WDR72: variants seen among roughly 807,000 people sequenced by gnomAD.
The protein encoded by WDR72 is WD repeat domain 72.
In WDR72, 120 loss-of-function variants were observed where a neutral mutation model predicts 124.2. The ratio of observed to expected loss-of-function variants is 0.97; its 90% CI spans 0.83 to 1.12. The LOEUF is 1.12. WDR72 is among the 50% of genes most tolerant of loss of function. The pLI, the probability that WDR72 is intolerant of heterozygous loss-of-function variation, is 0.00. For missense variants in WDR72, 1,387 were observed against 1,278.8 expected, an observed-to-expected ratio of 1.08 and a Z score of -1.29; for synonymous variants, 452 against 441.7, an observed-to-expected ratio of 1.02 and a Z score of -0.29.
intron 8 of WDR72, 113 bp from the exon 9 acceptor site, chr15:53,711,066 G>C: frequency 2.0e-6 from 2 of 976,012 alleles, no homozygotes; most frequent in Non-Finnish European, 3.1e-6. Flanking sequence ...CTAAACTCTA[G>C]TTAGAAATTG....
At chr15:53,518,767 A>G (rs1048689277) in intron 19 of WDR72, among the ~76,000 whole-genome samples, 5 of 150,932 alleles carry the variant, frequency 3.3e-5, no homozygotes, top group Admixed American at 6.6e-5. Flanking sequence ...TAGAAAAAGA[A>G]AAAAAAAAAA....
intron 4 of WDR72, 28 bp from the exon 5 acceptor site, chr15:53,715,395 T>C (rs1389857748): frequency 1.3e-5 from 21 of 1,613,392 alleles, no homozygotes; most frequent in Non-Finnish European, 1.8e-5. Context: ...AAAGCAAACA[T>C]TTAATTATCA....
In WDR72 at chr15:53,699,963, G is replaced by T. The variant is rs1406823997; in HGVS notation, c.1570-18C>A. On this transcript the variant is annotated intron_variant, in intron 12 of 19. Transcript: ENST00000360509. ...CCCCTTAGCTGTGAAAAAACAACAT[G>T]CTTATGTAAGTAAATAGTCAAATGC... 6.2e-7 allele frequency: 1 copy of T among 1,613,852 alleles called. No homozygotes were observed. Among genetic ancestry groups the T allele is most frequent in the Non-Finnish European group, 8.5e-7 (1 of 1,179,914 alleles).
chr15:53,715,476 G>T lies in WDR72; in HGVS notation c.340-109C>A, dbSNP rs1048874071. The stretch of plus-strand genomic sequence containing the variant: ...TAGTTTTAGCATATGATCAATTAAG[G>T]TATTGAACTGAATAGCAACTAAAAT... On this transcript the variant is annotated intron_variant, in intron 4 of 19. Coordinates refer to ENST00000360509, the MANE Select transcript of WDR72 (RefSeq NM_182758.4). The T allele has an allele frequency of 9.2e-6, 12 of 1,308,920 alleles. No individual in the cohort carries two copies. In the Admixed American group the frequency reaches 1.4e-4, roughly 15 times the overall value. 81.1% of individuals were successfully genotyped at this position (1,308,920 alleles called of 1,614,324 possible).
intron 12 of WDR72, among the ~76,000 whole-genome samples, chr15:53,701,536 G>C (rs202136127): frequency 5.6e-4 from 57 of 101,540 alleles, no homozygotes; most frequent in Admixed American, 1.2e-3. Context: ...GTGAGACCCT[G>C]TCTCTCTCTC....
intron 17 of WDR72, among the ~76,000 whole-genome samples, chr15:53,598,839 G>A (rs1164699787): frequency 6.6e-6 from 1 of 150,552 alleles, no homozygotes; most frequent in Non-Finnish European, 1.5e-5. Flanking sequence ...TAACATCAGA[G>A]TATCAATTAT....
intron 18 of WDR72, among the ~76,000 whole-genome samples, chr15:53,547,717 T>G (rs1374012508): frequency 2.6e-5 from 4 of 152,178 alleles, no homozygotes; most frequent in Non-Finnish European, 4.4e-5. Context: ...CATTCAGCTT[T>G]AAGTTCAGGA....
intron 18 of WDR72, among the ~76,000 whole-genome samples, chr15:53,544,205 C>A (rs879612009): frequency 6.9e-6 from 1 of 144,098 alleles, no homozygotes; most frequent in East Asian, 2.0e-4. Flanking sequence ...AGAGACACAA[C>A]CAAAAAAGAG....
chr15:53,699,488 T>G (rs912872949), intron 13 of WDR72, among the ~76,000 whole-genome samples: 3 of 152,236 alleles, frequency 2.0e-5, no homozygotes, highest in African/African-American at 7.2e-5. Flanking sequence ...AGATAACTTA[T>G]GTTTTTATTT....
chr15:53,534,040 G>A (rs1033553091), intron 18 of WDR72, among the ~76,000 whole-genome samples: 7 of 152,136 alleles, frequency 4.6e-5, no homozygotes, highest in Non-Finnish European at 1.0e-4. Context: ...ATGTTATGAG[G>A]ATAACTTTGC....
intron 1 of WDR72, among the ~76,000 whole-genome samples, chr15:53,733,854 G>A (rs950867840): frequency 4.6e-5 from 7 of 152,138 alleles, no homozygotes; most frequent in Non-Finnish European, 7.4e-5. Context: ...ACTCAGTGAT[G>A]TGTGCATTAT....
chr15:53,559,137 C>T (rs993383922), intron 18 of WDR72, among the ~76,000 whole-genome samples: 1 of 151,150 alleles, frequency 6.6e-6, no homozygotes, highest in African/African-American at 2.4e-5. Context: ...TGCTAATGTA[C>T]TTTTCTCCCT....
intron 2 of WDR72, among the ~76,000 whole-genome samples, chr15:53,727,572 T>C (rs921273120): frequency 6.6e-6 from 1 of 152,194 alleles, no homozygotes; most frequent in African/African-American, 2.4e-5. Flanking sequence ...GAAGGTTCCA[T>C]CTCAGAGAAC....
chr15:53,621,458 T>TATATATATATATATATATCA (rs397944441), intron 14 of WDR72, among the ~76,000 whole-genome samples: 2 of 145,010 alleles, frequency 1.4e-5, no homozygotes, highest in African/African-American at 5.2e-5. Flanking sequence ...TATATATATA[T>TATATATATATATATATATCA]GATAGAGTAC....
At chr15:53,688,382 AAT>A (rs1567028970) in intron 13 of WDR72, among the ~76,000 whole-genome samples, 48 of 148,342 alleles carry the variant, frequency 3.2e-4, no homozygotes, top group African/African-American at 1.2e-3. Flanking sequence ...ATACAAAATC[AAT>A]GTACAAAAAT....
At chr15:53,522,259 CCT>C (rs1566939719) in intron 19 of WDR72, among the ~76,000 whole-genome samples, 2 of 151,966 alleles carry the variant, frequency 1.3e-5, no homozygotes, top group African/African-American at 4.8e-5. Context: ...GCAGCTGCCC[CCT>C]GTCAACAAAG....
At chr15:53,611,913 G>A (rs2013556195) in intron 16 of WDR72, among the ~76,000 whole-genome samples, 1 of 152,086 alleles carries the variant, frequency 6.6e-6, no homozygotes, top group African/African-American at 2.4e-5. Context: ...TTCAACAGTC[G>A]TGTGAGGGCC....
intron 16 of WDR72, among the ~76,000 whole-genome samples, chr15:53,611,461 C>A (rs2013535318): frequency 6.6e-6 from 1 of 151,954 alleles, no homozygotes; most frequent in South Asian, 2.1e-4. Flanking sequence ...AATTCCAATC[C>A]CCTTCCCAGT....
intron 18 of WDR72, among the ~76,000 whole-genome samples, chr15:53,581,903 TTAAAA>T (rs1325069039): frequency 6.6e-6 from 1 of 152,066 alleles, no homozygotes; most frequent in Non-Finnish European, 1.5e-5. Context: ...CTGCTATACA[TTAAAA>T]TAATAGATTA....
Sources: allele counts gnomAD v4.1 joint callset (sites outside exome capture counted in the v4.1 genomes callset), GRCh38; gene constraint gnomAD v4.1.1; transcripts MANE v1.5; gene names NCBI Gene and HGNC (gene_info 2026-07-23, HGNC 2026-07-21).